Variants in DPYD observed in about 807,000 individuals in gnomAD.
DPYD encodes dihydropyrimidine dehydrogenase [NADP(+)].
Under a neutral mutation model 116.2 loss-of-function variants are expected in DPYD, and 109 were observed. That is an observed-to-expected ratio of 0.94 (90% CI 0.80 to 1.10). DPYD has a LOEUF of 1.10. DPYD is among the 50% of genes least tolerant of loss of function. The pLI is 0.00. For missense variants in DPYD, 1,302 were observed against 1,254.5 expected (o/e 1.04, Z -0.57); for synonymous variants, 440 against 432.0 (o/e 1.02, Z -0.23).
chr1:97,719,743 G>A, intron 5 of DPYD: 7 of 984,896 alleles, frequency 7.1e-6, no homozygotes, highest in Non-Finnish European at 7.2e-6. Context: ...CAAAAAAAAG[G>A]ACAAAAAGCT....
intron 2 of DPYD, among the ~76,000 whole-genome samples, chr1:97,837,585 A>C (rs937950659): frequency 5.9e-5 from 9 of 152,298 alleles, no homozygotes; most frequent in African/African-American, 1.9e-4. Context: ...CTAAACTCCT[A>C]TTATAATTTC....
At chr1:97,098,792 C>CTT (rs1469736371) in intron 20 of DPYD, among the ~76,000 whole-genome samples, 160 bp from the exon 21 acceptor site, 2 of 151,980 alleles carry the variant, frequency 1.3e-5, no homozygotes, top group Middle Eastern at 3.2e-3. Context: ...GACCACTAGT[C>CTT]TTCTCGGTAT....
chr1:97,835,572 C>G lies in DPYD; in HGVS notation c.151-7376G>C, dbSNP rs143930497. On this transcript the variant is annotated intron_variant, in intron 2 of 22. Coordinates refer to ENST00000370192, the MANE Select transcript of DPYD (RefSeq NM_000110.4). The stretch of plus-strand genomic sequence containing the variant: ...GTATCCTACCTGCTGATAATTCATT[C>G]CTATATCTATGAGAGGTCAACAAAG... Among the ~76,000 whole-genome samples, 966 of 151,998 alleles carry G rather than the reference C, an allele frequency of 6.4e-3. 24 individuals carry two copies. Among genetic ancestry groups the G allele is most frequent in the Non-Finnish European group, 4.0e-3 (271 of 67,914 alleles).
At chr1:97,757,758 G>C (rs1665329905) in intron 3 of DPYD, among the ~76,000 whole-genome samples, 3 of 152,200 alleles carry the variant, frequency 2.0e-5, no homozygotes, top group African/African-American at 7.2e-5. Context: ...TATGATGCAA[G>C]TAACTAGAAA....
chr1:97,622,029 C>A (rs1225137597), intron 8 of DPYD, among the ~76,000 whole-genome samples: 2 of 151,956 alleles, frequency 1.3e-5, no homozygotes, highest in Admixed American at 6.6e-5. Flanking sequence ...AATAAATGGG[C>A]AGAATAGACA....
intron 18 of DPYD, among the ~76,000 whole-genome samples, chr1:97,246,101 C>T (rs1028238009): frequency 1.4e-4 from 21 of 152,108 alleles, no homozygotes; most frequent in African/African-American, 4.8e-4. Context: ...TGAATCAATG[C>T]TCACTCTAAA....
intron 2 of DPYD, among the ~76,000 whole-genome samples, chr1:97,869,166 G>A (rs576985464): frequency 1.3e-5 from 2 of 151,846 alleles, no homozygotes; most frequent in South Asian, 4.2e-4. Context: ...ATATCTAGGA[G>A]AGAATCTGAT....
intron 3 of DPYD, among the ~76,000 whole-genome samples, chr1:97,814,682 T>C (rs527407451): frequency 1.3e-5 from 2 of 151,382 alleles, no homozygotes; most frequent in Admixed American, 1.3e-4. Flanking sequence ...CAGTGGAGGG[T>C]TGTGGTGAGA....
At chr1:97,412,482 A>G (rs1327184732) in intron 14 of DPYD, among the ~76,000 whole-genome samples, 2 of 152,200 alleles carry the variant, frequency 1.3e-5, no homozygotes, top group African/African-American at 4.8e-5. Flanking sequence ...GTATCCTTTC[A>G]AAATGAAGTA....
chr1:97,874,699 A>T (rs1671821095), intron 2 of DPYD, among the ~76,000 whole-genome samples: 1 of 151,882 alleles, frequency 6.6e-6, no homozygotes, highest in South Asian at 2.1e-4. Context: ...TTTTATTTTC[A>T]AAGAGTTTCC....
At chr1:97,401,817 G>A (rs375571948) in intron 14 of DPYD, among the ~76,000 whole-genome samples, 2 of 152,130 alleles carry the variant, frequency 1.3e-5, no homozygotes, top group South Asian at 2.1e-4. Flanking sequence ...GGTGAAGGGT[G>A]TGTCTAGATT....
At chr1:97,523,916 T>C (rs1244071780) in intron 12 of DPYD, among the ~76,000 whole-genome samples, 1 of 152,150 alleles carries the variant, frequency 6.6e-6, no homozygotes, top group East Asian at 1.9e-4. Context: ...ACATGATGTA[T>C]GTGCTTAATG....
chr1:97,885,258 T>C (rs1314448672), intron 1 of DPYD, among the ~76,000 whole-genome samples: 1 of 152,054 alleles, frequency 6.6e-6, no homozygotes, highest in Non-Finnish European at 1.5e-5. Flanking sequence ...TGAACTCTTA[T>C]TGAGATCCAC....
chr1:97,427,433 G>C lies in DPYD; in HGVS notation c.1905+22626C>G, dbSNP rs1276945739. ...ATACAGGCGATAATATAAAACTCCT[G>C]TGTGTCTGTTGTAGGAAATTACTAA... On this transcript the variant is annotated intron_variant, in intron 14 of 22. Coordinates refer to ENST00000370192, the MANE Select transcript of DPYD (RefSeq NM_000110.4). Among the ~76,000 whole-genome samples, 3 of 151,974 alleles carry C rather than the reference G, an allele frequency of 2.0e-5. No homozygotes were observed. In the East Asian group the frequency reaches 5.8e-4, roughly 29 times the overall value.
At chr1:97,640,784 T>C (rs572399862) in intron 8 of DPYD, among the ~76,000 whole-genome samples, 26 of 152,016 alleles carry the variant, frequency 1.7e-4, no homozygotes, top group Non-Finnish European at 3.2e-4. Context: ...AAGTGGTCCC[T>C]CATAAAAATT....
At chr1:97,154,681 T>A (rs115046541) in intron 20 of DPYD, among the ~76,000 whole-genome samples, 2,168 of 142,890 alleles carry the variant, frequency 0.015, 40 homozygotes, top group Admixed American at 0.023. Context: ...ACTGCCCTCC[T>A]GGGCAACAAA....
intron 3 of DPYD, among the ~76,000 whole-genome samples, chr1:97,802,539 C>T (rs1485034346): frequency 1.3e-5 from 2 of 151,924 alleles, no homozygotes; most frequent in South Asian, 2.1e-4. Flanking sequence ...ACTCAAAGCA[C>T]AATTTTCCTT....
chr1:97,274,191 A>G (rs11165826), intron 18 of DPYD, among the ~76,000 whole-genome samples: 48,470 of 151,976 alleles, frequency 0.32, 8,177 homozygotes, highest in Non-Finnish European at 0.37. Context: ...TATGGTTTGT[A>G]TATTTGTCCC....
upstream of DPYD, chr1:97,921,041 G>T (rs1304177345): frequency 7.7e-7 from 1 of 1,300,226 alleles, no homozygotes; most frequent in Non-Finnish European, 1.1e-6. Context: ...GACTAGGGCC[G>T]GCGGCGCGGG....
Sources: allele counts gnomAD v4.1 joint callset (sites outside exome capture counted in the v4.1 genomes callset), GRCh38; gene constraint gnomAD v4.1.1; transcripts MANE v1.5; gene names NCBI Gene and HGNC (gene_info 2026-07-23, HGNC 2026-07-21).